Variants in PUM1 observed in about 807,000 individuals in gnomAD.
PUM1 encodes pumilio RNA binding family member 1.
PUM1 carries 13 observed loss-of-function variants against 131.8 expected under a neutral mutation model. The observed-to-expected ratio is 0.10, with a 90% CI of 0.06 to 0.16. The LOEUF (loss-of-function observed/expected upper bound fraction) is 0.16. Among genes scored for constraint, PUM1 ranks in the 10% least tolerant of loss-of-function variants. The pLI is 1.00. For missense variants in PUM1, 961 were observed against 1,512.4 expected (o/e 0.64, Z 6.05); for synonymous variants, 509 against 556.5 (o/e 0.91, Z 1.20).
chr1:30,976,315 C>A (rs1641136334), intron 9 of PUM1, among the ~76,000 whole-genome samples: 1 of 152,168 alleles, frequency 6.6e-6, no homozygotes, highest in Non-Finnish European at 1.5e-5. Flanking sequence ...GAAATGGGCT[C>A]AAAGTCAATT....
intron 3 of PUM1, among the ~76,000 whole-genome samples, chr1:31,019,644 C>A (rs1279008396): frequency 6.6e-6 from 1 of 152,210 alleles, no homozygotes; most frequent in Non-Finnish European, 1.5e-5. Flanking sequence ...GGCTCCCATA[C>A]ACGTGCCCTT....
intron 7 of PUM1, among the ~76,000 whole-genome samples, chr1:30,991,806 G>A (rs1641804158): frequency 6.6e-6 from 1 of 152,156 alleles, no homozygotes; most frequent in African/African-American, 2.4e-5. Context: ...AACATCTTCA[G>A]GGACTTATGA....
At chr1:31,062,210 C>T (rs1413398155) in intron 1 of PUM1, among the ~76,000 whole-genome samples, 1 of 152,188 alleles carries the variant, frequency 6.6e-6, no homozygotes, top group Non-Finnish European at 1.5e-5. Flanking sequence ...CTCTACTCCT[C>T]TGGAAGACCA....
chr1:31,063,089 C>T (rs1644404273), intron 1 of PUM1, among the ~76,000 whole-genome samples: 1 of 152,054 alleles, frequency 6.6e-6, no homozygotes, highest in Non-Finnish European at 1.5e-5. Context: ...TGCCTCCCTG[C>T]TTGGTTTTTT....
rs1303616183 is a variant in PUM1, at chr1:31,005,997, T to C, written c.576A>G (p.Arg192=). Residue 192 remains arginine, a synonymous_variant, in exon 5 of 22, where the codon AGA becomes AGG. Transcript: ENST00000426105. ...HSVSQPIMVQ[R]RPGQSFHVNS... ...TCACATGGAAACTCTGACCAGGTCTTCTCTGCACCATGATTGGCTGGGAAA... is the reference window on the plus strand; with the variant it reads ...TCACATGGAAACTCTGACCAGGTCTCCTCTGCACCATGATTGGCTGGGAAA... The C allele has an allele frequency of 6.2e-7, 1 of 1,609,302 alleles. No individual in the cohort carries two copies.
intron 10 of PUM1, among the ~76,000 whole-genome samples, chr1:30,968,904 G>A (rs543745273): frequency 8.3e-4 from 126 of 152,230 alleles, no homozygotes; most frequent in African/African-American, 2.8e-3. Flanking sequence ...GAACAAGACC[G>A]ACAAAGCCCC....
intron 10 of PUM1, 130 bp from the exon 11 acceptor site, chr1:30,968,622 C>T: frequency 1.2e-6 from 1 of 850,490 alleles, no homozygotes; most frequent in Non-Finnish European, 1.7e-6. Flanking sequence ...TTATATGTCA[C>T]AGCTGTTAGC....
chr1:31,057,429 GA>G (rs1311021894), intron 2 of PUM1, among the ~76,000 whole-genome samples: 7,702 of 111,664 alleles, frequency 0.069, 646 homozygotes, highest in African/African-American at 0.22. Context: ...AAAAGAAAAA[GA>G]AAAAAAAAAA....
chr1:30,981,654 C>A (rs1313207567), intron 7 of PUM1, among the ~76,000 whole-genome samples: 1 of 149,070 alleles, frequency 6.7e-6, no homozygotes, highest in Admixed American at 6.7e-5. Context: ...GATTATATGT[C>A]CCCTGAACCA....
intron 2 of PUM1, among the ~76,000 whole-genome samples, chr1:31,046,184 C>T (rs955364867): frequency 4.6e-5 from 7 of 151,684 alleles, no homozygotes; most frequent in African/African-American, 1.5e-4. Flanking sequence ...GTCGGGAGGT[C>T]GAAACCAGCC....
intron 2 of PUM1, among the ~76,000 whole-genome samples, chr1:31,041,864 T>G (rs923594878): frequency 6.6e-6 from 1 of 151,930 alleles, no homozygotes; most frequent in East Asian, 1.9e-4. Flanking sequence ...ACTAACATAC[T>G]TTTTTTAAAA....
rs1557541619 is a variant in PUM1, at chr1:30,936,663, G to A, written c.3415C>T (p.Arg1139Trp). Residue 1139 changes from arginine (R) to tryptophan (W), a missense_variant, in exon 21 of 22, where the codon CGG becomes TGG. By Grantham distance (101) the Arg-to-Trp change is moderately radical (BLOSUM62 -3). Transcript: ENST00000426105. ...CCTACCTTATGCATGACGATCTTCC[G>A]CTGGCCTGGCTCCGCCACGTCAATC... The part of the protein sequence containing the change: ...KMIDVAEPGQ[R>W]KIVMHKIRPH... The A allele has an allele frequency of 1.2e-6, 2 of 1,613,822 alleles. No individual in the cohort carries two copies. The highest frequency in any genetic ancestry group is 1.7e-6 in the Non-Finnish European group (2 of 1,179,864).
At position 31,028,781 on chromosome 1, in the gene PUM1, C is replaced by T; in HGVS notation, c.432+15G>A. 1 of 1,607,242 alleles carries T rather than the reference C, an allele frequency of 6.2e-7. No individual in the cohort carries two copies. The highest frequency in any genetic ancestry group is 1.1e-5 in the South Asian group (1 of 90,942). On this transcript the variant is annotated intron_variant, in intron 3 of 21. Transcript: ENST00000426105. ...TAAAAACAGACCCACTTTTCTGACA[C>T]ACCAGTTCACTTACCTCTCCCATCG... is the stretch of plus-strand genomic sequence containing the variant.
At chr1:30,933,443 C>A in intron 21 of PUM1, 101 bp from the exon 22 acceptor site, 1 of 319,062 alleles carries the variant, frequency 3.1e-6, no homozygotes, top group Non-Finnish European at 5.6e-6. Context: ...CACACATACA[C>A]ACACACACAC....
At chr1:30,936,965 G>A (rs1570072843) in intron 20 of PUM1, 130 bp from the exon 21 acceptor site, 1 of 753,732 alleles carries the variant, frequency 1.3e-6, no homozygotes, top group Non-Finnish European at 2.1e-6. Flanking sequence ...TGAGGAAGAT[G>A]AGTCGCCAAC....
intron 18 of PUM1, among the ~76,000 whole-genome samples, chr1:30,943,628 T>G (rs1279717281): frequency 6.6e-6 from 1 of 152,172 alleles, no homozygotes. Flanking sequence ...AAGAGAATAA[T>G]GGTGTTTAAA....
intron 7 of PUM1, among the ~76,000 whole-genome samples, chr1:30,991,434 A>C (rs1385387542): frequency 1.3e-5 from 2 of 152,222 alleles, no homozygotes; most frequent in African/African-American, 4.8e-5. Context: ...ATCAATCAAA[A>C]TTCATTTAGT....
At chr1:31,058,603 A>G (rs1422412399) in intron 2 of PUM1, among the ~76,000 whole-genome samples, 1 of 150,306 alleles carries the variant, frequency 6.7e-6, no homozygotes, top group African/African-American at 2.4e-5. Flanking sequence ...CGGAGCTTGC[A>G]GTGAGCAGAG....
At chr1:31,035,923 T>C (rs1039877669) in intron 2 of PUM1, among the ~76,000 whole-genome samples, 1 of 152,194 alleles carries the variant, frequency 6.6e-6, no homozygotes, top group Non-Finnish European at 1.5e-5. Context: ...TCATATCATT[T>C]ATTAACTGTC....
Sources: allele counts gnomAD v4.1 joint callset (sites outside exome capture counted in the v4.1 genomes callset), GRCh38; gene constraint gnomAD v4.1.1; transcripts MANE v1.5; gene names NCBI Gene and HGNC (gene_info 2026-07-23, HGNC 2026-07-21).